Variants in NDST4 observed in about 807,000 individuals in gnomAD.
NDST4 encodes the protein N-deacetylase and N-sulfotransferase 4.
Under a neutral mutation model 100.8 loss-of-function variants are expected in NDST4, and 63 were observed. That is an observed-to-expected ratio of 0.62 (90% CI 0.51 to 0.77). The LOEUF (loss-of-function observed/expected upper bound fraction) is 0.77, where lower values mean the gene tolerates loss of function less well. Ranked by LOEUF, NDST4 falls within the 30% of genes least tolerant of loss-of-function variation. The probability of loss-of-function intolerance (pLI) is 0.00; values close to 1 mark genes in which losing one functional copy is unlikely to be tolerated. For synonymous variants in NDST4, 377 were observed against 361.8 expected, an observed-to-expected ratio of 1.04 and a Z score of -0.48; for missense variants, 943 against 1,018.4, an observed-to-expected ratio of 0.93 and a Z score of 1.01.
intron 10 of NDST4, among the ~76,000 whole-genome samples, chr4:114,840,039 C>T (rs1267701392): frequency 1.3e-5 from 2 of 152,124 alleles, no homozygotes; most frequent in African/African-American, 4.8e-5. Context: ...TCCATTACTG[C>T]CACTCCTTCA....
chr4:114,853,044 A>G (rs4530655), intron 7 of NDST4, among the ~76,000 whole-genome samples: 5,881 of 152,126 alleles, frequency 0.039, 354 homozygotes, highest in African/African-American at 0.13. Flanking sequence ...TGTTGTTATC[A>G]TCTTTCAGTG....
intron 1 of NDST4, among the ~76,000 whole-genome samples, chr4:115,094,838 A>G (rs938084949): frequency 2.0e-5 from 3 of 151,196 alleles, no homozygotes; most frequent in Admixed American, 2.0e-4. Flanking sequence ...ATCCTTCCCT[A>G]CCACTTTCAG....
In NDST4 at chr4:114,829,776, TA is replaced by T; in HGVS notation, c.2499+13del. 6.3e-7 allele frequency: 1 copy of T among 1,575,494 alleles called. No homozygotes were observed. ...ATTTTTGCTAGAGTAATTCAAAGAT[TA>T]AAAAATTATTACCTCTGGATCCATA... On this transcript the variant is annotated intron_variant, in intron 13 of 13. Transcript: ENST00000264363.
chr4:114,972,984 T>C (rs150776284), intron 3 of NDST4, among the ~76,000 whole-genome samples: 88 of 152,174 alleles, frequency 5.8e-4, no homozygotes, highest in African/African-American at 2.0e-3. Flanking sequence ...TTTGTTTGCA[T>C]CATGGATTAA....
chr4:114,853,632 C>T (rs1336988307), intron 7 of NDST4, among the ~76,000 whole-genome samples: 3 of 152,016 alleles, frequency 2.0e-5, no homozygotes, highest in Non-Finnish European at 4.4e-5. Context: ...TGGTGACCTA[C>T]ACAATAATTA....
chr4:114,863,183 C>G (rs1046220809), intron 7 of NDST4, among the ~76,000 whole-genome samples: 1 of 152,136 alleles, frequency 6.6e-6, no homozygotes, highest in African/African-American at 2.4e-5. Flanking sequence ...TTATTGATCA[C>G]CTTCTATATT....
intron 4 of NDST4, among the ~76,000 whole-genome samples, chr4:114,952,756 G>T (rs754502146): frequency 1.3e-5 from 2 of 151,984 alleles, no homozygotes; most frequent in African/African-American, 2.4e-5. Flanking sequence ...CTTATCTATT[G>T]CCAATGGGTA....
chr4:114,922,716 G>A lies in NDST4; in HGVS notation c.1536+12490C>T, dbSNP rs185707508. The stretch of plus-strand genomic sequence containing the variant: ...AGATTTACCACTGCAAACACACTTC[G>A]GTACCATGTGACCCAGATCCATTCC... On this transcript the variant is annotated intron_variant, in intron 6 of 13. Coordinates refer to ENST00000264363, the MANE Select transcript of NDST4 (RefSeq NM_022569.3). Among the ~76,000 whole-genome samples the A allele has an allele frequency of 5.0e-3, 753 of 151,696 alleles. 5 individuals carry two copies. Among genetic ancestry groups the A allele is most frequent in the African/African-American group, 0.017 (717 of 41,344 alleles).
intron 4 of NDST4, among the ~76,000 whole-genome samples, chr4:114,940,745 G>C (rs1027011988): frequency 3.3e-5 from 5 of 152,152 alleles, no homozygotes; most frequent in African/African-American, 4.8e-5. Flanking sequence ...AGGAATTGAA[G>C]GGTGGTGAAT....
intron 2 of NDST4, among the ~76,000 whole-genome samples, chr4:115,023,658 A>G (rs1727911938): frequency 1.3e-5 from 2 of 152,114 alleles, no homozygotes; most frequent in Admixed American, 1.3e-4. Flanking sequence ...AAATTGTAAA[A>G]TTTGCAGCCT....
chr4:114,978,134 A>G (rs1249975870), intron 2 of NDST4, among the ~76,000 whole-genome samples: 1 of 151,946 alleles, frequency 6.6e-6, no homozygotes, highest in Non-Finnish European at 1.5e-5. Context: ...TGCTTTTTCT[A>G]TTTTTAATGG....
rs12648047 is a variant in NDST4, at chr4:114,829,908, C to A, written c.2397-16G>T. On this transcript the variant is annotated splice_polypyrimidine_tract_variant and intron_variant, in intron 12 of 13. Transcript: ENST00000264363. ...GGGATCAAACCTACAGTACATAAAACATAATGATTACAAATTGTATGCAGA... is the reference window on the plus strand; with the variant it reads ...GGGATCAAACCTACAGTACATAAAAAATAATGATTACAAATTGTATGCAGA... The A allele has an allele frequency of 6.4e-7, 1 of 1,564,450 alleles. No homozygotes were observed. The highest frequency in any genetic ancestry group is 2.3e-5 in the East Asian group (1 of 44,160).
At chr4:114,981,423 G>T (rs1187586793) in intron 2 of NDST4, among the ~76,000 whole-genome samples, 3 of 152,006 alleles carry the variant, frequency 2.0e-5, no homozygotes. Flanking sequence ...AGGAAATACT[G>T]ATTTTTGTCT....
At chr4:114,956,466 C>T (rs1174575151) in intron 4 of NDST4, among the ~76,000 whole-genome samples, 1 of 152,170 alleles carries the variant, frequency 6.6e-6, no homozygotes, top group African/African-American at 2.4e-5. Context: ...GAATCATTGA[C>T]TAAATAGAAA....
chr4:114,975,836 G>C (rs960003654), intron 3 of NDST4, among the ~76,000 whole-genome samples: 1 of 152,026 alleles, frequency 6.6e-6, no homozygotes, highest in Non-Finnish European at 1.5e-5. Context: ...CATAGTCAGA[G>C]CTTCTTTGGT....
intron 4 of NDST4, 43 bp from the exon 5 acceptor site, chr4:114,937,546 T>G: frequency 6.9e-7 from 1 of 1,445,786 alleles, no homozygotes; most frequent in Non-Finnish European, 9.3e-7. Context: ...ACAAGGCCAA[T>G]TAATTCAGTG....
At chr4:114,986,414 G>A (rs1267411595) in intron 2 of NDST4, among the ~76,000 whole-genome samples, 1 of 151,970 alleles carries the variant, frequency 6.6e-6, no homozygotes, top group Non-Finnish European at 1.5e-5. Context: ...AGAACTATAA[G>A]CCACTGATTT....
chr4:114,976,353 G>A (rs1323603138), intron 3 of NDST4, among the ~76,000 whole-genome samples: 2 of 151,988 alleles, frequency 1.3e-5, no homozygotes, highest in African/African-American at 2.4e-5. Context: ...CAGATTATAG[G>A]TATTCCCCTA....
At chr4:114,930,426 G>A (rs1253680168) in intron 6 of NDST4, among the ~76,000 whole-genome samples, 1 of 152,172 alleles carries the variant, frequency 6.6e-6, no homozygotes, top group Non-Finnish European at 1.5e-5. Flanking sequence ...TGTAGGGGAA[G>A]ACAGTTTAAT....
Sources: allele counts gnomAD v4.1 joint callset (sites outside exome capture counted in the v4.1 genomes callset), GRCh38; gene constraint gnomAD v4.1.1; transcripts MANE v1.5; gene names NCBI Gene and HGNC (gene_info 2026-07-23, HGNC 2026-07-21).